Variants in SMARCAL1 observed in about 807,000 individuals in gnomAD.
The protein encoded by SMARCAL1 is SNF2 related chromatin remodeling annealing helicase 1.
SMARCAL1 carries 58 observed loss-of-function variants against 94.5 expected under a neutral mutation model. That is an observed-to-expected ratio of 0.61 (90% CI 0.50 to 0.76). SMARCAL1 has a LOEUF of 0.76. Ranked by LOEUF, SMARCAL1 falls within the 30% of genes least tolerant of loss-of-function variation. SMARCAL1 has a pLI of 0.00. For synonymous variants in SMARCAL1, 422 were observed against 455.1 expected (o/e 0.93, Z 0.93); for missense variants, 1,051 against 1,177.9 (o/e 0.89, Z 1.58).
intron 14 of SMARCAL1, among the ~76,000 whole-genome samples, chr2:216,469,769 A>G (rs1694922199): frequency 6.6e-6 from 1 of 152,096 alleles, no homozygotes; most frequent in South Asian, 2.1e-4. Flanking sequence ...CATGGTTATT[A>G]AATAGGTTCA....
At chr2:216,414,444 T>A (rs1693538763) in intron 2 of SMARCAL1, 1 of 452,368 alleles carries the variant, frequency 2.2e-6, no homozygotes, top group Non-Finnish European at 4.1e-6. Context: ...CCCGACCTGC[T>A]TTTTGCTTTT....
intron 2 of SMARCAL1, chr2:216,414,101 A>G (rs1028838992): frequency 2.0e-5 from 3 of 153,506 alleles, no homozygotes; most frequent in Non-Finnish European, 2.9e-5. Context: ...GTGAGTTACC[A>G]TGTGAGAAGG....
intron 10 of SMARCAL1, 64 bp from the exon 11 acceptor site, chr2:216,446,954 A>G: frequency 6.2e-7 from 1 of 1,608,608 alleles, no homozygotes; most frequent in South Asian, 1.1e-5. Flanking sequence ...TCACTGGGGC[A>G]TTTTGAACAT....
At chr2:216,459,679 T>C (rs1694652630) in intron 12 of SMARCAL1, among the ~76,000 whole-genome samples, 2 of 152,050 alleles carry the variant, frequency 1.3e-5, no homozygotes, top group Non-Finnish European at 2.9e-5. Flanking sequence ...TATACAAAAA[T>C]TAATTCAAGA....
chr2:216,453,353 C>T (rs1053753153), intron 12 of SMARCAL1, among the ~76,000 whole-genome samples: 1 of 152,196 alleles, frequency 6.6e-6, no homozygotes, highest in African/African-American at 2.4e-5. Flanking sequence ...GATAATAATT[C>T]CTTAAGAACT....
chr2:216,461,302 C>T (rs538610912), intron 12 of SMARCAL1, among the ~76,000 whole-genome samples: 1 of 151,716 alleles, frequency 6.6e-6, no homozygotes, highest in African/African-American at 2.4e-5. Context: ...TTTTATACAA[C>T]CATAATTTTG....
chr2:216,423,008 A>G (rs1254618187), intron 5 of SMARCAL1, among the ~76,000 whole-genome samples: 5 of 152,142 alleles, frequency 3.3e-5, no homozygotes, highest in Non-Finnish European at 7.3e-5. Flanking sequence ...TTTTATAAGC[A>G]TTTTCCTTTA....
chr2:216,431,917 C>G (rs928317062), intron 7 of SMARCAL1, among the ~76,000 whole-genome samples: 6 of 152,228 alleles, frequency 3.9e-5, no homozygotes, highest in African/African-American at 1.2e-4. Context: ...GCAGCATCTT[C>G]TGTCTTTGCC....
intron 10 of SMARCAL1, among the ~76,000 whole-genome samples, chr2:216,440,990 A>G (rs772171740): frequency 5.3e-5 from 8 of 152,200 alleles, no homozygotes; most frequent in Non-Finnish European, 1.5e-5. Context: ...TAAGGAAATG[A>G]ATCTAAATGT....
chr2:216,478,152 C>G (rs1695128112), intron 16 of SMARCAL1, 51 bp from the exon 17 acceptor site: 1 of 1,423,402 alleles, frequency 7.0e-7, no homozygotes, highest in African/African-American at 1.4e-5. Context: ...TTTCATTAGT[C>G]TGGTGGTTCT....
chr2:216,482,622 C>G lies in SMARCAL1; in HGVS notation c.2626-116C>G. On this transcript the variant is annotated intron_variant, in intron 17 of 17. Transcript: ENST00000357276. This position sits in a 1 kb window ranked among gnomAD's most constrained non-coding sequence, Gnocchi z 4.3. ...CACTTGCCATCGTGTAGCTCCCTGA[C>G]ACCATGAAATGTGTGGTCTCTCATC... is the stretch of plus-strand genomic sequence containing the variant. The G allele has an allele frequency of 6.9e-7, 1 of 1,439,108 alleles. No individual in the cohort carries two copies. The highest frequency in any genetic ancestry group is 9.8e-7 in the Non-Finnish European group (1 of 1,024,656). 89.1% of individuals were successfully genotyped at this position (1,439,108 alleles called of 1,614,324 possible). A position where few individuals can be genotyped will look rare whatever the true frequency, so the allele number is the denominator to read the frequency against.
At chr2:216,459,042 GACAA>G (rs772848166) in intron 12 of SMARCAL1, among the ~76,000 whole-genome samples, 139 of 136,800 alleles carry the variant, frequency 1.0e-3, no homozygotes, top group Admixed American at 3.5e-4. Context: ...ACCAATAACA[GACAA>G]ACAGAGAGCC....
chr2:216,436,122 C>T (rs1013390627), intron 9 of SMARCAL1, among the ~76,000 whole-genome samples: 1 of 152,180 alleles, frequency 6.6e-6, no homozygotes, highest in African/African-American at 2.4e-5. Flanking sequence ...GCACTTGCCA[C>T]CACGCCCAGC....
rs1559120849 is a variant in SMARCAL1, at chr2:216,415,074, C to T, written c.370C>T (p.Pro124Ser). The change falls in exon 3 of 18, where the codon CCT becomes TCT. Residue 124 changes from proline (P) to serine (S), a missense_variant. Coordinates refer to ENST00000357276, the MANE Select transcript of SMARCAL1 (RefSeq NM_014140.4). ...TCAAATGGCTCTCACTGGAATCTCT[C>T]CTCCCTTGGCACAAAGTCCTCCAGA... ...RSQMALTGIS[P>S]PLAQSPPEVP... 1 of 1,614,216 alleles carries T rather than the reference C, an allele frequency of 6.2e-7. No individual in the cohort carries two copies.
At chr2:216,462,238 C>A (rs1694721728) in intron 12 of SMARCAL1, among the ~76,000 whole-genome samples, 1 of 152,168 alleles carries the variant, frequency 6.6e-6, no homozygotes, top group South Asian at 2.1e-4. Context: ...GTTTGTTTTG[C>A]CCTCTTTCTT....
intron 12 of SMARCAL1, among the ~76,000 whole-genome samples, chr2:216,454,309 A>C (rs759775829): frequency 2.0e-5 from 3 of 152,232 alleles, no homozygotes; most frequent in Non-Finnish European, 4.4e-5. Context: ...TTTCTCCCAC[A>C]TTAAAATAGA....
intron 7 of SMARCAL1, among the ~76,000 whole-genome samples, chr2:216,432,477 C>T (rs561841925): frequency 6.6e-6 from 1 of 152,346 alleles, no homozygotes; most frequent in Admixed American, 6.5e-5. Flanking sequence ...TCCAGATCTT[C>T]TCCCTTTTGA....
intron 6 of SMARCAL1, among the ~76,000 whole-genome samples, chr2:216,427,881 A>G (rs74434038): frequency 6.6e-6 from 1 of 152,232 alleles, no homozygotes; most frequent in Non-Finnish European, 1.5e-5. Flanking sequence ...ATGTACGTGT[A>G]TGAAATAGAG....
intron 12 of SMARCAL1, among the ~76,000 whole-genome samples, chr2:216,452,265 C>T (rs976767428): frequency 6.6e-6 from 1 of 152,176 alleles, no homozygotes; most frequent in South Asian, 2.1e-4. Context: ...TAAAATCAAT[C>T]TTGGTGGTCT....
Sources: gnomAD v4.1 joint callset for allele counts (sites outside exome capture counted in the v4.1 genomes callset) on GRCh38, gnomAD v4.1.1 for gene constraint, Gnocchi (gnomAD v3.1) non-coding constraint, MANE v1.5 for transcripts, NCBI Gene and HGNC (gene_info 2026-07-23, HGNC 2026-07-21) for gene names.